Variants in ZNF280D observed in about 807,000 individuals in gnomAD.
ZNF280D encodes the protein suppressor of hairy wing homolog 4.
In ZNF280D, 39 loss-of-function variants were observed where a neutral mutation model predicts 94.7. That is an observed-to-expected ratio of 0.41 (90% CI 0.32 to 0.54). The LOEUF (loss-of-function observed/expected upper bound fraction) is 0.54, where lower values mean the gene tolerates loss of function less well. ZNF280D is among the 20% of genes least tolerant of loss of function. The probability of loss-of-function intolerance (pLI) is 0.22; values close to 1 mark genes in which losing one functional copy is unlikely to be tolerated. For missense variants in ZNF280D, 1,090 were observed against 1,149.3 expected, an observed-to-expected ratio of 0.95 and a Z score of 0.75; for synonymous variants, 398 against 377.6, an observed-to-expected ratio of 1.05 and a Z score of -0.63.
chr15:56,718,032 C>T (rs1047284431), intron 1 of ZNF280D, among the ~76,000 whole-genome samples: 1 of 152,080 alleles, frequency 6.6e-6, no homozygotes, highest in Non-Finnish European at 1.5e-5. Flanking sequence ...AAGAACCCTT[C>T]CAACCCTAAA....
chr15:56,728,025 A>G (rs1300992964), intron 1 of ZNF280D, among the ~76,000 whole-genome samples: 1 of 149,330 alleles, frequency 6.7e-6, no homozygotes, highest in Non-Finnish European at 1.5e-5. Context: ...CTAAAATTTT[A>G]CTTAATACAT....
At chr15:56,679,562 T>C (rs2055478626) in intron 10 of ZNF280D, among the ~76,000 whole-genome samples, 1 of 152,208 alleles carries the variant, frequency 6.6e-6, no homozygotes, top group Admixed American at 6.5e-5. Context: ...GAGCAGGAAT[T>C]ATGACCTTCA....
At chr15:56,702,577 T>C (rs1296826230) in intron 4 of ZNF280D, among the ~76,000 whole-genome samples, 1 of 152,194 alleles carries the variant, frequency 6.6e-6, no homozygotes, top group Non-Finnish European at 1.5e-5. Flanking sequence ...CCTTGAATCT[T>C]AACTGTCATG....
At chr15:56,680,034 T>C (rs1411724427) in intron 10 of ZNF280D, among the ~76,000 whole-genome samples, 5 of 152,164 alleles carry the variant, frequency 3.3e-5, no homozygotes, top group African/African-American at 1.2e-4. Flanking sequence ...TTCCCAATTA[T>C]TATATGAGTT....
intron 9 of ZNF280D, among the ~76,000 whole-genome samples, chr15:56,688,011 T>C (rs1033439403): frequency 6.6e-6 from 1 of 152,030 alleles, no homozygotes; most frequent in African/African-American, 2.4e-5. Context: ...CTTTTCCTTA[T>C]ATAATCTACA....
chr15:56,729,445 G>T (rs1351430836), intron 1 of ZNF280D, among the ~76,000 whole-genome samples: 1 of 152,096 alleles, frequency 6.6e-6, no homozygotes, highest in Non-Finnish European at 1.5e-5. Flanking sequence ...TTGTCCTAAG[G>T]AAAACTATAC....
rs115025268 is a variant in ZNF280D at position 56,702,550 on chromosome 15, C to T, written c.176-1312G>A. On this transcript the variant is annotated intron_variant, in intron 4 of 21. Coordinates refer to ENST00000267807, the MANE Select transcript of ZNF280D (RefSeq NM_017661.4). Reference sequence around the variant, plus strand: ...CCCGAATACCATGAAGAGTCATCTACAATCAGTATAAATTCACCTTGAATC... The same window carrying T: ...CCCGAATACCATGAAGAGTCATCTATAATCAGTATAAATTCACCTTGAATC... Among the ~76,000 whole-genome samples the T allele has an allele frequency of 7.2e-3, 1,092 of 152,280 alleles. 12 individuals are homozygous for T. Among genetic ancestry groups the T allele is most frequent in the African/African-American group, 0.024 (1,012 of 41,558 alleles).
chr15:56,702,165 A>G (rs559090166), intron 4 of ZNF280D, among the ~76,000 whole-genome samples: 2 of 152,162 alleles, frequency 1.3e-5, no homozygotes, highest in Non-Finnish European at 2.9e-5. Context: ...GATAAGGTCA[A>G]TGCAGTGCTC....
chr15:56,651,798 A>C (rs1659622608), intron 19 of ZNF280D, among the ~76,000 whole-genome samples: 1 of 152,048 alleles, frequency 6.6e-6, no homozygotes, highest in African/African-American at 2.4e-5. Context: ...TTTTCCCCCC[A>C]AATATTTTCA....
At chr15:56,721,990 G>T (rs575151851) in intron 1 of ZNF280D, among the ~76,000 whole-genome samples, 2 of 152,114 alleles carry the variant, frequency 1.3e-5, no homozygotes, top group Admixed American at 1.3e-4. Context: ...TGAGAGATGT[G>T]CAAATCTTCC....
At chr15:56,672,251 T>G (rs2054916985) in intron 13 of ZNF280D, among the ~76,000 whole-genome samples, 1 of 152,172 alleles carries the variant, frequency 6.6e-6, no homozygotes, top group Non-Finnish European at 1.5e-5. Context: ...CATCCTTGTC[T>G]TGTGCTGGTT....
chr15:56,698,181 G>T (rs1212940637), intron 6 of ZNF280D: 1 of 152,084 alleles, frequency 6.6e-6, no homozygotes, highest in Non-Finnish European at 1.5e-5. Context: ...GTCTATCTTA[G>T]CTTTTAAATG....
intron 1 of ZNF280D, among the ~76,000 whole-genome samples, chr15:56,722,034 T>C (rs1435705424): frequency 1.3e-5 from 2 of 152,172 alleles, no homozygotes; most frequent in Admixed American, 1.3e-4. Flanking sequence ...ATTATAAAGT[T>C]ATTAATTGGC....
intron 1 of ZNF280D, chr15:56,732,734 A>G (rs2058958448): frequency 1.3e-5 from 2 of 152,102 alleles, no homozygotes; most frequent in South Asian, 4.1e-4. Context: ...AAAACTTGCG[A>G]TAAGTTGGGA....
At chr15:56,690,942 G>C (rs1381990161) in intron 7 of ZNF280D, among the ~76,000 whole-genome samples, 3 of 151,998 alleles carry the variant, frequency 2.0e-5, no homozygotes, top group Non-Finnish European at 4.4e-5. Flanking sequence ...CTCTAGTTAT[G>C]TTAACTTGTC....
At chr15:56,654,128 G>C in intron 19 of ZNF280D, 70 bp downstream of exon 19, 1 of 1,559,510 alleles carries the variant, frequency 6.4e-7, no homozygotes, top group Non-Finnish European at 8.6e-7. Context: ...TCGTATTAAT[G>C]ATACATTTAA....
At chr15:56,673,116 A>G (rs1395773809) in intron 13 of ZNF280D, among the ~76,000 whole-genome samples, 1 of 152,080 alleles carries the variant, frequency 6.6e-6, no homozygotes. Context: ...TTCTCTATCT[A>G]TAACCACTCA....
At chr15:56,700,266 C>G in intron 6 of ZNF280D, 1 of 726,920 alleles carries the variant, frequency 1.4e-6, no homozygotes, top group Non-Finnish European at 1.7e-6. Flanking sequence ...GATCCATCAA[C>G]TGCCAGCTTT....
chr15:56,641,295 G>A (rs1270538592), intron 20 of ZNF280D, among the ~76,000 whole-genome samples: 2 of 151,916 alleles, frequency 1.3e-5, no homozygotes, highest in African/African-American at 4.8e-5. Context: ...TATTAGTCAT[G>A]TTTACTGACT....
Sources: gnomAD v4.1 joint callset for allele counts (sites outside exome capture counted in the v4.1 genomes callset) on GRCh38, gnomAD v4.1.1 for gene constraint, MANE v1.5 for transcripts, NCBI Gene and HGNC (gene_info 2026-07-23, HGNC 2026-07-21) for gene names.